The following ADAMTS12 variants were observed in gnomAD, a reference collection of about 807,000 sequenced individuals.
ADAMTS12 encodes the protein ADAM metallopeptidase with thrombospondin type 1 motif 12, also known as A disintegrin and metalloproteinase with thrombospondin motifs 12.
In ADAMTS12, 118 loss-of-function variants were observed where a neutral mutation model predicts 167.8. The ratio of observed to expected loss-of-function variants is 0.70; its 90% CI spans 0.61 to 0.82. The LOEUF is 0.82. Among genes scored for constraint, ADAMTS12 ranks in the 40% least tolerant of loss-of-function variants. The pLI is 0.00. For missense variants in ADAMTS12, 1,916 were observed against 1,998.8 expected, an observed-to-expected ratio of 0.96 and a Z score of 0.79; for synonymous variants, 704 against 716.9, an observed-to-expected ratio of 0.98 and a Z score of 0.29.
intron 20 of ADAMTS12, among the ~76,000 whole-genome samples, chr5:33,550,166 G>A (rs912080326): frequency 8.5e-5 from 13 of 152,148 alleles, no homozygotes; most frequent in Non-Finnish European, 1.2e-4. Flanking sequence ...CCCTTGGACC[G>A]TGATAAACAC....
chr5:33,549,503 G>C (rs528337102), intron 20 of ADAMTS12, 120 bp from the exon 21 acceptor site: 1 of 1,216,234 alleles, frequency 8.2e-7, no homozygotes, highest in Non-Finnish European at 1.1e-6. Context: ...GTCTAGTTCC[G>C]GTGAACCCTG....
intron 2 of ADAMTS12, among the ~76,000 whole-genome samples, chr5:33,776,641 G>T (rs1309723312): frequency 6.6e-6 from 1 of 151,882 alleles, no homozygotes; most frequent in Non-Finnish European, 1.5e-5. Context: ...AAACAACCTA[G>T]CTATATACCT....
intron 2 of ADAMTS12, among the ~76,000 whole-genome samples, chr5:33,765,864 C>T (rs561474088): frequency 6.6e-6 from 1 of 152,240 alleles, no homozygotes; most frequent in Non-Finnish European, 1.5e-5. Context: ...AAGTACAATA[C>T]TTTGAATCTC....
chr5:33,799,365 C>T (rs1746906169), intron 2 of ADAMTS12, among the ~76,000 whole-genome samples: 1 of 152,190 alleles, frequency 6.6e-6, no homozygotes, highest in South Asian at 2.1e-4. Context: ...ACTCATTCTA[C>T]CTCACCCTTT....
chr5:33,686,985 C>A (rs1340261103), intron 3 of ADAMTS12, among the ~76,000 whole-genome samples: 4 of 149,978 alleles, frequency 2.7e-5, no homozygotes, highest in African/African-American at 9.8e-5. Context: ...TGGACTTGAT[C>A]TTGGACTTCA....
intron 1 of ADAMTS12, among the ~76,000 whole-genome samples, chr5:33,884,170 C>T (rs1750559226): frequency 6.6e-6 from 1 of 152,162 alleles, no homozygotes; most frequent in Non-Finnish European, 1.5e-5. Flanking sequence ...AACCTCTGCT[C>T]CCTTCAGGTC....
In ADAMTS12 at chr5:33,526,888, A is replaced by T. The variant is rs1372011062; in HGVS notation, c.*300T>A. Reference sequence around the variant, plus strand: ...TTTGTTTTTATCTTTAAGGGAGAACAAAAATACAGTATTTCACAAATCTGT... The same window carrying T: ...TTTGTTTTTATCTTTAAGGGAGAACTAAAATACAGTATTTCACAAATCTGT... On this transcript the variant is annotated 3_prime_UTR_variant, in exon 24 of 24. Coordinates refer to ENST00000504830, the MANE Select transcript of ADAMTS12 (RefSeq NM_030955.4). The T allele has an allele frequency of 6.6e-6, 2 of 304,104 alleles. No homozygotes were observed. The highest frequency in any genetic ancestry group is 4.3e-5 in the African/African-American group (2 of 47,056). 18.8% of individuals were successfully genotyped at this position (304,104 alleles called of 1,614,324 possible).
Position 33,614,319 on chromosome 5 carries a change from C to T in ADAMTS12, c.2446G>A (p.Gly816Ser). Residue 816 changes from glycine (G) to serine (S), a missense_variant, in exon 16 of 24, where the codon GGC becomes AGC. Transcript: ENST00000504830. ...IKYEYTIQKD[G>S]LDNDVEQQMY... Reference sequence around the variant, plus strand: ...TGCTGCTCAACATCATTGTCAAGGCCATCTTTCTGGATTGTGTACTCATAC... The same window carrying T: ...TGCTGCTCAACATCATTGTCAAGGCTATCTTTCTGGATTGTGTACTCATAC... The T allele has an allele frequency of 4.3e-6, 7 of 1,614,116 alleles. No homozygotes were observed. Among genetic ancestry groups the T allele is most frequent in the Non-Finnish European group, 5.9e-6 (7 of 1,179,998 alleles).
chr5:33,684,238 T>C (rs995336017), intron 3 of ADAMTS12, among the ~76,000 whole-genome samples, 183 bp from the exon 4 acceptor site: 2 of 151,488 alleles, frequency 1.3e-5, no homozygotes, highest in African/African-American at 4.8e-5. Context: ...ATTTGAATCT[T>C]ACAGAGAGGT....
At chr5:33,842,401 T>A (rs1002561928) in intron 2 of ADAMTS12, among the ~76,000 whole-genome samples, 1 of 152,180 alleles carries the variant, frequency 6.6e-6, no homozygotes, top group South Asian at 2.1e-4. Flanking sequence ...AAATAGAATT[T>A]GCTTTGGGGA....
chr5:33,751,873 A>T (rs1744998240), intron 2 of ADAMTS12, among the ~76,000 whole-genome samples: 1 of 152,222 alleles, frequency 6.6e-6, no homozygotes, highest in Non-Finnish European at 1.5e-5. Context: ...ATATCTATGG[A>T]TCCCAAATGA....
At chr5:33,768,756 T>C (rs1049593278) in intron 2 of ADAMTS12, among the ~76,000 whole-genome samples, 2 of 152,152 alleles carry the variant, frequency 1.3e-5, no homozygotes, top group African/African-American at 4.8e-5. Context: ...GAACATGTAG[T>C]GGCATGATAA....
At chr5:33,528,670 A>G (rs1743939367) in intron 23 of ADAMTS12, among the ~76,000 whole-genome samples, 1 of 152,268 alleles carries the variant, frequency 6.6e-6, no homozygotes, top group African/African-American at 2.4e-5. Flanking sequence ...AGATCTGAAC[A>G]CAGGCAGTCT....
chr5:33,693,990 A>G (rs1355489384), intron 3 of ADAMTS12, among the ~76,000 whole-genome samples: 2 of 152,206 alleles, frequency 1.3e-5, no homozygotes, highest in Non-Finnish European at 2.9e-5. Flanking sequence ...TACAAAGTTC[A>G]GCATTTCTAT....
chr5:33,550,271 C>A (rs1745192816), intron 20 of ADAMTS12, among the ~76,000 whole-genome samples: 1 of 152,176 alleles, frequency 6.6e-6, no homozygotes, highest in Admixed American at 6.5e-5. Context: ...TGGCAGCTCC[C>A]CACTCCCTGA....
chr5:33,531,725 T>A (rs150232073), intron 23 of ADAMTS12, among the ~76,000 whole-genome samples: 266 of 152,306 alleles, frequency 1.7e-3, no homozygotes, highest in African/African-American at 6.1e-3. Flanking sequence ...AACACCTAAA[T>A]GACTGAAAGA....
intron 2 of ADAMTS12, among the ~76,000 whole-genome samples, chr5:33,815,782 C>T (rs1292739277): frequency 6.6e-6 from 1 of 152,124 alleles, no homozygotes; most frequent in African/African-American, 2.4e-5. Flanking sequence ...AGGACCAGTC[C>T]TAATTCCATC....
At chr5:33,607,689 A>G (rs1738517529) in intron 16 of ADAMTS12, among the ~76,000 whole-genome samples, 1 of 151,924 alleles carries the variant, frequency 6.6e-6, no homozygotes, top group Non-Finnish European at 1.5e-5. Flanking sequence ...GATTTCTTTG[A>G]GCAGTGTTTT....
chr5:33,563,709 G>A (rs1745860438), intron 19 of ADAMTS12, among the ~76,000 whole-genome samples: 1 of 152,174 alleles, frequency 6.6e-6, no homozygotes, highest in Admixed American at 6.5e-5. Flanking sequence ...GTCAATGAGA[G>A]GTGAGTCTCT....
Sources: allele counts gnomAD v4.1 joint callset (sites outside exome capture counted in the v4.1 genomes callset), GRCh38; gene constraint gnomAD v4.1.1; transcripts MANE v1.5; gene names NCBI Gene and HGNC (gene_info 2026-07-23, HGNC 2026-07-21).